The following APBB2 variants were observed in gnomAD, a reference collection of about 807,000 sequenced individuals.
APBB2 encodes the protein amyloid beta precursor protein binding family B member 2.
In APBB2, 38 loss-of-function variants were observed where a neutral mutation model predicts 82.5. That is an observed-to-expected ratio of 0.46 (90% CI 0.36 to 0.60). APBB2 has a LOEUF of 0.60. Among genes scored for constraint, APBB2 ranks in the 20% least tolerant of loss-of-function variants. The pLI, the probability that APBB2 is intolerant of heterozygous loss-of-function variation, is 0.00. For synonymous variants in APBB2, 341 were observed against 368.2 expected (o/e 0.93, Z 0.85); for missense variants, 772 against 972.3 (o/e 0.79, Z 2.74).
intron 1 of APBB2, among the ~76,000 whole-genome samples, chr4:41,175,747 T>A (rs1281938361): frequency 6.6e-6 from 1 of 152,184 alleles, no homozygotes; most frequent in East Asian, 1.9e-4. Flanking sequence ...TGATTTGGAA[T>A]AATTCAATAA....
chr4:41,082,254 A>T (rs910940754), intron 3 of APBB2, among the ~76,000 whole-genome samples: 10 of 152,246 alleles, frequency 6.6e-5, no homozygotes, highest in Non-Finnish European at 1.5e-5. Context: ...AGTAAATTAC[A>T]TGCTAAGAAA....
At chr4:40,990,448 T>A (rs1696451573) in intron 6 of APBB2, among the ~76,000 whole-genome samples, 1 of 152,150 alleles carries the variant, frequency 6.6e-6, no homozygotes, top group Admixed American at 6.6e-5. Flanking sequence ...GTGAGATTCA[T>A]CCCAAGCCAA....
At chr4:41,008,963 A>G (rs1350782754) in intron 6 of APBB2, among the ~76,000 whole-genome samples, 1 of 152,232 alleles carries the variant, frequency 6.6e-6, no homozygotes, top group African/African-American at 2.4e-5. Flanking sequence ...TGATTTTGAA[A>G]CAGTTACTAC....
intron 10 of APBB2, among the ~76,000 whole-genome samples, chr4:40,933,988 A>G (rs1162428568): frequency 6.6e-6 from 1 of 152,194 alleles, no homozygotes; most frequent in Non-Finnish European, 1.5e-5. Context: ...AACTGCCCCC[A>G]GTTTTCCATC....
At chr4:41,070,506 T>A (rs1229579396) in intron 3 of APBB2, among the ~76,000 whole-genome samples, 3 of 152,124 alleles carry the variant, frequency 2.0e-5, no homozygotes, top group Non-Finnish European at 4.4e-5. Flanking sequence ...TTTACCACAT[T>A]GGCCAGGTTG....
intron 5 of APBB2, among the ~76,000 whole-genome samples, chr4:41,023,045 C>G (rs1712349459): frequency 1.3e-5 from 2 of 152,202 alleles, no homozygotes; most frequent in South Asian, 4.1e-4. Context: ...GCTCCTCAGT[C>G]TCAGCTCAAA....
Position 40,848,379 on chromosome 4 carries a change from G to T in APBB2, c.1530-17802C>A, listed in dbSNP as rs566363002. Among the ~76,000 whole-genome samples, 186 of 152,278 alleles carry T rather than the reference G, an allele frequency of 1.2e-3. 1 individual carries two copies. Among genetic ancestry groups the T allele is most frequent in the African/African-American group, 4.2e-3 (174 of 41,570 alleles). The stretch of plus-strand genomic sequence containing the variant: ...AGGGTCAGAGAGTTTAAGTTGACTT[G>T]CTCCAAAGCCCACAGCTAGCAGGTG... On this transcript the variant is annotated intron_variant, in intron 12 of 17. Coordinates refer to ENST00000508593, the MANE Select transcript of APBB2 (RefSeq NM_004307.2).
intron 1 of APBB2, among the ~76,000 whole-genome samples, chr4:41,189,569 G>T (rs774127597): frequency 1.3e-5 from 2 of 152,112 alleles, no homozygotes; most frequent in Non-Finnish European, 2.9e-5. Flanking sequence ...CAGCTCTCTG[G>T]CTGCTGCTAC....
chr4:41,044,367 C>T (rs1201086616), intron 4 of APBB2, among the ~76,000 whole-genome samples: 2 of 152,114 alleles, frequency 1.3e-5, no homozygotes, highest in Non-Finnish European at 2.9e-5. Flanking sequence ...CAGTAGGAGC[C>T]TCTTCAAGTT....
At chr4:40,961,832 C>T (rs1950479302) in intron 6 of APBB2, among the ~76,000 whole-genome samples, 1 of 152,106 alleles carries the variant, frequency 6.6e-6, no homozygotes, top group African/African-American at 2.4e-5. Context: ...ACCTCATTTC[C>T]AAGTATTGTC....
At chr4:41,130,475 C>T (rs1031385702) in intron 2 of APBB2, among the ~76,000 whole-genome samples, 14 of 152,158 alleles carry the variant, frequency 9.2e-5, no homozygotes, top group Non-Finnish European at 1.6e-4. Flanking sequence ...ACTCTATTCT[C>T]AACAGAGGAA....
chr4:41,113,211 A>G (rs1047382476), intron 2 of APBB2, among the ~76,000 whole-genome samples: 1 of 152,186 alleles, frequency 6.6e-6, no homozygotes, highest in African/African-American at 2.4e-5. Flanking sequence ...AAATATCTGA[A>G]TTTATATGGA....
intron 6 of APBB2, among the ~76,000 whole-genome samples, chr4:40,947,072 G>T (rs1788657636): frequency 6.6e-6 from 1 of 152,226 alleles, no homozygotes; most frequent in African/African-American, 2.4e-5. Context: ...AAATTTTGCA[G>T]AAACAACTCT....
intron 1 of APBB2, among the ~76,000 whole-genome samples, chr4:41,192,414 TAAAG>T (rs1366376628): frequency 6.6e-6 from 1 of 152,114 alleles, no homozygotes; most frequent in African/African-American, 2.4e-5. Flanking sequence ...AAGGAACAGA[TAAAG>T]AAACTGTGAT....
chr4:40,982,979 G>C (rs1158890494), intron 6 of APBB2, among the ~76,000 whole-genome samples: 5 of 152,100 alleles, frequency 3.3e-5, no homozygotes, highest in Non-Finnish European at 5.9e-5. Context: ...TGACCTGCAG[G>C]GTGAAGGTGG....
At chr4:40,871,807 T>C (rs1765589049) in intron 12 of APBB2, among the ~76,000 whole-genome samples, 1 of 152,196 alleles carries the variant, frequency 6.6e-6, no homozygotes, top group Non-Finnish European at 1.5e-5. Context: ...AAGCATCTAA[T>C]ATAAGGATAA....
At chr4:40,973,316 C>G (rs951516015) in intron 6 of APBB2, among the ~76,000 whole-genome samples, 1 of 152,176 alleles carries the variant, frequency 6.6e-6, no homozygotes, top group African/African-American at 2.4e-5. Flanking sequence ...CTAGTCAGGC[C>G]ATCTTCTCAA....
chr4:40,842,746 T>G (rs538998884), intron 12 of APBB2, among the ~76,000 whole-genome samples: 1 of 152,104 alleles, frequency 6.6e-6, no homozygotes, highest in East Asian at 1.9e-4. Flanking sequence ...ATAAAAAACA[T>G]ACAGAAACAA....
intron 4 of APBB2, among the ~76,000 whole-genome samples, chr4:41,048,927 G>A (rs1484258972): frequency 1.3e-5 from 2 of 152,116 alleles, no homozygotes; most frequent in Non-Finnish European, 2.9e-5. Flanking sequence ...TACCAGCCTC[G>A]GTGCCGGGAT....
Sources: gnomAD v4.1 joint callset for allele counts (sites outside exome capture counted in the v4.1 genomes callset) on GRCh38, gnomAD v4.1.1 for gene constraint, MANE v1.5 for transcripts, NCBI Gene and HGNC (gene_info 2026-07-23, HGNC 2026-07-21) for gene names.